Variants in ADAM28 observed in about 807,000 individuals in gnomAD.
The protein encoded by ADAM28 is ADAM metallopeptidase domain 28, also known as disintegrin and metalloproteinase domain-containing protein 28.
A neutral mutation model predicts 101.2 loss-of-function variants in ADAM28; 105 were observed. The observed-to-expected ratio is 1.04, with a 90% CI of 0.89 to 1.22. The LOEUF (loss-of-function observed/expected upper bound fraction) is 1.22, where lower values mean the gene tolerates loss of function less well. Among genes scored for constraint, ADAM28 ranks in the 50% most tolerant of loss-of-function variants. ADAM28 has a pLI of 0.00. For missense variants in ADAM28, 1,028 were observed against 945.4 expected, an observed-to-expected ratio of 1.09 and a Z score of -1.15; for synonymous variants, 322 against 310.6, an observed-to-expected ratio of 1.04 and a Z score of -0.39.
chr8:24,334,988 C>T (rs1206928587), intron 13 of ADAM28, among the ~76,000 whole-genome samples: 1 of 152,160 alleles, frequency 6.6e-6, no homozygotes, highest in Non-Finnish European at 1.5e-5. Flanking sequence ...AAACTCGAGG[C>T]CTGGGAAAGT....
At chr8:24,321,485 T>G in intron 8 of ADAM28, 196 bp downstream of exon 8, 1 of 597,162 alleles carries the variant, frequency 1.7e-6, no homozygotes, top group South Asian at 1.8e-5. Context: ...CCAACACTTT[T>G]CTTATTTACC....
At chr8:24,319,931 A>G (rs1325481946) in intron 6 of ADAM28, among the ~76,000 whole-genome samples, 1 of 151,998 alleles carries the variant, frequency 6.6e-6, no homozygotes, top group East Asian at 1.9e-4. Flanking sequence ...AGGATGGTGA[A>G]GAAGTCTACT....
intron 2 of ADAM28, among the ~76,000 whole-genome samples, chr8:24,307,795 T>C (rs1040411601): frequency 1.1e-4 from 17 of 152,200 alleles, no homozygotes; most frequent in African/African-American, 3.9e-4. Flanking sequence ...CATCTTGGTA[T>C]TGGCCCATGT....
intron 2 of ADAM28, among the ~76,000 whole-genome samples, chr8:24,306,694 CAA>C (rs1164133557): frequency 6.6e-6 from 1 of 151,832 alleles, no homozygotes; most frequent in East Asian, 1.9e-4. Context: ...TATGTATAAA[CAA>C]AAAAATATTC....
chr8:24,300,630 A>G (rs1808615024), intron 2 of ADAM28, among the ~76,000 whole-genome samples: 3 of 152,002 alleles, frequency 2.0e-5, no homozygotes, highest in Admixed American at 2.0e-4. Flanking sequence ...GTTAGCCAGG[A>G]TGTTTTCTAT....
intron 1 of ADAM28, 76 bp from the exon 2 acceptor site, chr8:24,299,898 G>C (rs1196529338): frequency 6.0e-6 from 6 of 1,005,806 alleles, no homozygotes; most frequent in Non-Finnish European, 7.5e-6. Context: ...CATTGGGAAT[G>C]CAGTAAGGAT....
At chr8:24,317,926 G>A (rs1482814050) in intron 6 of ADAM28, among the ~76,000 whole-genome samples, 2 of 151,976 alleles carry the variant, frequency 1.3e-5, no homozygotes, top group Non-Finnish European at 2.9e-5. Context: ...AGGACAAAAA[G>A]TAGACAAATT....
rs6982006 is a variant in ADAM28, at chr8:24,313,292, T to C, written c.384-96T>C. ...AGCTTAAATTGTTTTTGACATTGAC[T>C]AGGAATTTTAAAGGTCCTCTTTTGG... On this transcript the variant is annotated intron_variant, in intron 5 of 22. Transcript: ENST00000265769. The C allele has an allele frequency of 2.8e-3, 3,351 of 1,181,636 alleles. 68 individuals carry two copies. In the African/African-American group the frequency reaches 0.048, roughly 17 times the overall value. The allele number at this position is 1,181,636 out of a possible 1,614,324, so 73.2% of individuals were successfully genotyped here.
At chr8:24,333,271 A>G (rs1209846802) in intron 13 of ADAM28, among the ~76,000 whole-genome samples, 3 of 152,176 alleles carry the variant, frequency 2.0e-5, no homozygotes, top group African/African-American at 7.2e-5. Context: ...TACAGGTACA[A>G]TGTGACCGTA....
rs574388343 is a variant in ADAM28, at chr8:24,352,972, T to C, written c.2245-798T>C. ...GAATTTTTAATCTCTCACCTGCTCA[T>C]TGCAAATACTGTCTCCACATCCATC... On this transcript the variant is annotated intron_variant, in intron 21 of 22. Coordinates refer to ENST00000265769, the MANE Select transcript of ADAM28 (RefSeq NM_014265.6). Among the ~76,000 whole-genome samples the C allele has an allele frequency of 3.9e-5, 6 of 152,272 alleles. No individual in the cohort carries two copies. In the East Asian group the frequency reaches 5.8e-4, roughly 15 times the overall value.
In ADAM28 at chr8:24,299,317, C is replaced by T. The variant is rs1439620787; in HGVS notation, c.47-657C>T. Among the ~76,000 whole-genome samples the T allele has an allele frequency of 2.0e-5, 3 of 152,190 alleles. No homozygotes were observed. In the South Asian group the frequency reaches 6.2e-4, roughly 31 times the overall value. On this transcript the variant is annotated intron_variant, in intron 1 of 22. Coordinates refer to ENST00000265769, the MANE Select transcript of ADAM28 (RefSeq NM_014265.6). The stretch of plus-strand genomic sequence containing the variant: ...TGACTGCAGGCTCAAAAAAGTCCTT[C>T]CAGGCCAGTGATTCTGTTTGAATTA...
intron 10 of ADAM28, among the ~76,000 whole-genome samples, chr8:24,328,416 C>T (rs934747596): frequency 6.6e-6 from 1 of 151,654 alleles, no homozygotes; most frequent in Non-Finnish European, 1.5e-5. Context: ...TTTTTAGTTA[C>T]TATCTTTTGA....
chr8:24,325,890 A>AAAAAAAAAAAC (rs1812534612), intron 9 of ADAM28, among the ~76,000 whole-genome samples: 1 of 133,944 alleles, frequency 7.5e-6, no homozygotes, highest in Non-Finnish European at 1.6e-5. Context: ...AAAAAAAAAA[A>AAAAAAAAAAAC]AAAAAAAAAA....
At chr8:24,327,825 T>A (rs1225125018) in intron 10 of ADAM28, among the ~76,000 whole-genome samples, 1 of 151,876 alleles carries the variant, frequency 6.6e-6, no homozygotes, top group African/African-American at 2.4e-5. Context: ...GGGAAAAATG[T>A]ACAGATTTTT....
chr8:24,351,071 C>T (rs979894155), intron 19 of ADAM28, among the ~76,000 whole-genome samples, 161 bp from the exon 20 acceptor site: 1 of 151,994 alleles, frequency 6.6e-6, no homozygotes, highest in Non-Finnish European at 1.5e-5. Flanking sequence ...ATGAAAGAGG[C>T]TGACGGGGAA....
In ADAM28 at chr8:24,310,210, G is replaced by T. The variant is rs748562410; in HGVS notation, c.275G>T (p.Gly92Val). ...GYTETYYNST[G>V]KEITTSPQIM... ...ACGGAAACATATTATAATTCCACTG[G>T]AAAGGAGATCACCACAAGCCCACAA... The change falls in exon 4 of 23, where the codon GGA becomes GTA. Residue 92 changes from glycine to valine, a missense_variant. By Grantham distance (109) the Gly-to-Val change is moderately radical. Coordinates refer to ENST00000265769, the MANE Select transcript of ADAM28 (RefSeq NM_014265.6). The T allele has an allele frequency of 6.2e-7, 1 of 1,613,400 alleles. No individual in the cohort carries two copies. Among genetic ancestry groups the T allele is most frequent in the South Asian group, 1.1e-5 (1 of 91,060 alleles).
Position 24,356,784 on chromosome 8 carries a change from T to C in ADAM28, c.*2380T>C, listed in dbSNP as rs1034103591. On this transcript the variant is annotated 3_prime_UTR_variant, in exon 23 of 23. Coordinates refer to ENST00000265769, the MANE Select transcript of ADAM28 (RefSeq NM_014265.6). ...ACTTTAAAACAGTGAAATTATTAGG[T>C]TAAATTATGTTTTTATCCAGTTACT... 2 of 152,204 alleles carry C rather than the reference T, an allele frequency of 1.3e-5. No homozygotes were observed. The highest frequency in any genetic ancestry group is 2.9e-5 in the Non-Finnish European group (2 of 68,026). The allele number at this position is 152,204 out of a possible 1,614,324, so 9.4% of individuals were successfully genotyped here.
intron 2 of ADAM28, 75 bp from the exon 3 acceptor site, chr8:24,309,819 G>C: frequency 8.9e-7 from 1 of 1,126,446 alleles, no homozygotes; most frequent in Non-Finnish European, 1.3e-6. Flanking sequence ...GCTTGCTAAT[G>C]ACTACACAGA....
At chr8:24,314,732 A>C (rs1191033922) in intron 6 of ADAM28, among the ~76,000 whole-genome samples, 1 of 151,862 alleles carries the variant, frequency 6.6e-6, no homozygotes, top group Non-Finnish European at 1.5e-5. Context: ...ATGAGTAAAA[A>C]ATAATGATGC....
Sources: allele counts gnomAD v4.1 joint callset (sites outside exome capture counted in the v4.1 genomes callset), GRCh38; gene constraint gnomAD v4.1.1; transcripts MANE v1.5; gene names NCBI Gene and HGNC (gene_info 2026-07-23, HGNC 2026-07-21).